RFC3: variants seen among roughly 807,000 people sequenced by gnomAD.
The protein encoded by RFC3 is replication factor C subunit 3, also known as A1 38 kDa subunit.
RFC3 carries 41 observed loss-of-function variants against 45.1 expected under a neutral mutation model. That is an observed-to-expected ratio of 0.91 (90% CI 0.71 to 1.18). The LOEUF is 1.18. Ranked by LOEUF, RFC3 falls within the 50% of genes most tolerant of loss-of-function variation. RFC3 has a pLI of 0.00. For synonymous variants in RFC3, 149 were observed against 144.0 expected, an observed-to-expected ratio of 1.03 and a Z score of -0.25; for missense variants, 423 against 428.1, an observed-to-expected ratio of 0.99 and a Z score of 0.10.
intron 8 of RFC3, among the ~76,000 whole-genome samples, chr13:33,879,702 G>A (rs2082470106): frequency 6.6e-6 from 1 of 152,180 alleles, no homozygotes; most frequent in South Asian, 2.1e-4. Context: ...GATTCCTATT[G>A]TTGCTGGAAC....
At chr13:33,874,142 A>G (rs1394499934) in intron 8 of RFC3, among the ~76,000 whole-genome samples, 1 of 152,224 alleles carries the variant, frequency 6.6e-6, no homozygotes, top group Admixed American at 6.5e-5. Context: ...GTTGCATGCT[A>G]ATTATGATTA....
chr13:33,928,838 G>GGA (rs558095154), intron 8 of RFC3, among the ~76,000 whole-genome samples: 181 of 151,564 alleles, frequency 1.2e-3, no homozygotes, highest in African/African-American at 4.4e-3. Flanking sequence ...AATGTCTGGG[G>GGA]GGGGAAGTGA....
intron 8 of RFC3, among the ~76,000 whole-genome samples, chr13:33,899,845 A>G (rs1425407062): frequency 6.6e-6 from 1 of 152,016 alleles, no homozygotes; most frequent in Non-Finnish European, 1.5e-5. Context: ...AGGATACAAA[A>G]CCAACATACA....
intron 8 of RFC3, among the ~76,000 whole-genome samples, chr13:33,926,684 C>A (rs2082815882): frequency 6.6e-6 from 1 of 151,356 alleles, no homozygotes; most frequent in South Asian, 2.1e-4. Flanking sequence ...TTTTGTGGTA[C>A]TCTATAGTCA....
intron 1 of RFC3, among the ~76,000 whole-genome samples, chr13:33,818,894 T>G (rs9592050): frequency 2.4e-3 from 245 of 102,300 alleles, no homozygotes; most frequent in African/African-American, 6.4e-3. Context: ...TTTTTTTTTT[T>G]TTTTTTTTTT....
At chr13:33,923,409 A>G (rs2137741153) in intron 8 of RFC3, among the ~76,000 whole-genome samples, 1 of 152,202 alleles carries the variant, frequency 6.6e-6, no homozygotes, top group African/African-American at 2.4e-5. Flanking sequence ...GGCAGTTTGA[A>G]TGTCATCCTT....
At chr13:33,866,143 G>A (rs2082372148) in intron 8 of RFC3, among the ~76,000 whole-genome samples, 1 of 152,186 alleles carries the variant, frequency 6.6e-6, no homozygotes, top group Admixed American at 6.5e-5. Context: ...AATCAAGTGT[G>A]GTTCCCCTAA....
intron 8 of RFC3, among the ~76,000 whole-genome samples, chr13:33,897,428 A>G (rs1187408240): frequency 6.6e-6 from 1 of 152,172 alleles, no homozygotes; most frequent in East Asian, 1.9e-4. Flanking sequence ...TAGAGTCACT[A>G]AAAATAAATA....
At position 33,924,498 on chromosome 13, in the gene RFC3, A is replaced by G. The variant is rs576410383; in HGVS notation, c.880-41589A>G. ...ATAATGACAAAGTAGAGTAGTTGTA[A>G]TAGGTATGGTATAGCTTGCAAGGCC... On this transcript the variant is annotated intron_variant, in intron 8 of 8. Transcript: ENST00000434425. Among the ~76,000 whole-genome samples the G allele has an allele frequency of 2.6e-5, 4 of 151,934 alleles. No homozygotes were observed. In the East Asian group the frequency reaches 7.8e-4, roughly 29 times the overall value.
intron 8 of RFC3, among the ~76,000 whole-genome samples, chr13:33,885,608 A>G (rs991643081): frequency 5.3e-5 from 8 of 152,224 alleles, no homozygotes; most frequent in African/African-American, 1.9e-4. Flanking sequence ...CTGATCTCAG[A>G]GGTGTCTTGA....
At chr13:33,871,530 G>A (rs934303977) in intron 8 of RFC3, among the ~76,000 whole-genome samples, 1 of 152,158 alleles carries the variant, frequency 6.6e-6, no homozygotes, top group African/African-American at 2.4e-5. Context: ...GCTAATCCGG[G>A]ATAATCTCCC....
chr13:33,898,376 G>A (rs887376628), intron 8 of RFC3, among the ~76,000 whole-genome samples: 1 of 151,022 alleles, frequency 6.6e-6, no homozygotes, highest in Non-Finnish European at 1.5e-5. Flanking sequence ...ACACAAACAT[G>A]TGTACATTAA....
chr13:33,878,047 C>T (rs1188256107), intron 8 of RFC3, among the ~76,000 whole-genome samples: 1 of 151,880 alleles, frequency 6.6e-6, no homozygotes, highest in Non-Finnish European at 1.5e-5. Flanking sequence ...TAATTCCTGC[C>T]TGTAGGGCTG....
intron 8 of RFC3, among the ~76,000 whole-genome samples, chr13:33,907,358 A>G (rs1450557531): frequency 6.6e-6 from 1 of 152,142 alleles, no homozygotes; most frequent in Non-Finnish European, 1.5e-5. Context: ...ATTTGTTCTT[A>G]AAAATAATAA....
chr13:33,896,967 A>G (rs1457207431), intron 8 of RFC3, among the ~76,000 whole-genome samples: 1 of 152,056 alleles, frequency 6.6e-6, no homozygotes, highest in East Asian at 1.9e-4. Context: ...TAGTAGAACT[A>G]TCTTAAAAGA....
At chr13:33,952,220 G>A (rs1253426561) in intron 8 of RFC3, among the ~76,000 whole-genome samples, 3 of 152,188 alleles carry the variant, frequency 2.0e-5, no homozygotes, top group Non-Finnish European at 4.4e-5. Context: ...TTAAAATATG[G>A]TAACCAGCTC....
At chr13:33,920,263 G>C (rs2082759991) in intron 8 of RFC3, among the ~76,000 whole-genome samples, 1 of 152,042 alleles carries the variant, frequency 6.6e-6, no homozygotes, top group Non-Finnish European at 1.5e-5. Flanking sequence ...TTCCATCACA[G>C]TAACTTCCAA....
Position 33,836,753 on chromosome 13 carries a change from A to C in RFC3, c.*458A>C. Reference sequence around the variant, plus strand: ...ATAATTGTATTTTTGTAGGAAATGTAAGATTTCATTCTGAAACATAATTAT... The same window carrying C: ...ATAATTGTATTTTTGTAGGAAATGTCAGATTTCATTCTGAAACATAATTAT... On this transcript the variant is annotated 3_prime_UTR_variant, in exon 9 of 9. Coordinates refer to ENST00000380071, the MANE Select transcript of RFC3 (RefSeq NM_002915.4). 3.0e-6 allele frequency: 3 copies of C among 985,076 alleles called. No individual in the cohort carries two copies. The highest frequency in any genetic ancestry group is 3.6e-6 in the Non-Finnish European group (3 of 829,406). The allele number at this position is 985,076 out of a possible 1,614,324, so 61.0% of individuals were successfully genotyped here. A position where few individuals can be genotyped will look rare whatever the true frequency, so the allele number is the denominator to read the frequency against.
Position 33,836,289 on chromosome 13 carries a change from G to A in RFC3, c.1065G>A (p.Met355Ile). ...TGGAGGATGGATTGGAAGGCATGAT[G>A]TTCTGACTTCTGTCAGTTATTCTTG... ...KFMEDGLEGM[M>I]F is the part of the protein sequence containing the mutation. The change falls in exon 9 of 9, where the codon ATG (methionine) becomes ATA (isoleucine). Residue 355 changes from methionine (M) to isoleucine (I), a missense_variant. Transcript: ENST00000380071. 6.2e-7 allele frequency: 1 copy of A among 1,612,054 alleles called. No individual in the cohort carries two copies. Among genetic ancestry groups the A allele is most frequent in the South Asian group, 1.1e-5 (1 of 90,952 alleles).
Sources: gnomAD v4.1 joint callset for allele counts (sites outside exome capture counted in the v4.1 genomes callset) on GRCh38, gnomAD v4.1.1 for gene constraint, MANE v1.5 for transcripts, NCBI Gene and HGNC (gene_info 2026-07-23, HGNC 2026-07-21) for gene names.